The following GPNMB variants were observed in gnomAD, a reference collection of about 807,000 sequenced individuals.
The protein encoded by GPNMB is glycoprotein nmb, also known as transmembrane glycoprotein NMB.
In GPNMB, 71 loss-of-function variants were observed where a neutral mutation model predicts 57.3. The ratio of observed to expected loss-of-function variants is 1.24; its 90% confidence interval spans 1.02 to 1.51. The LOEUF is 1.51. GPNMB is among the 40% of genes most tolerant of loss of function. The pLI is 0.00. For synonymous variants in GPNMB, 253 were observed against 263.2 expected, an observed-to-expected ratio of 0.96 and a Z score of 0.38; for missense variants, 677 against 691.9, an observed-to-expected ratio of 0.98 and a Z score of 0.24.
intron 4 of GPNMB, among the ~76,000 whole-genome samples, chr7:23,258,309 C>T (rs1782830175): frequency 6.6e-6 from 1 of 152,170 alleles, no homozygotes; most frequent in Admixed American, 6.5e-5. Flanking sequence ...ATTTACAAAT[C>T]AGGACAAAAT....
chr7:23,254,775 T>G (rs759178215), intron 3 of GPNMB, among the ~76,000 whole-genome samples: 1 of 152,212 alleles, frequency 6.6e-6, no homozygotes, highest in East Asian at 1.9e-4. Flanking sequence ...GGTTTTGCTT[T>G]GCTCTTAGTG....
chr7:23,251,653 A>G (rs1782664620), intron 1 of GPNMB, among the ~76,000 whole-genome samples: 1 of 152,224 alleles, frequency 6.6e-6, no homozygotes, highest in African/African-American at 2.4e-5. Context: ...AGCTCTGGGC[A>G]TCACATCATT....
At chr7:23,253,832 A>G (rs962661973) in intron 2 of GPNMB, among the ~76,000 whole-genome samples, 3 of 152,182 alleles carry the variant, frequency 2.0e-5, no homozygotes, top group Non-Finnish European at 2.9e-5. Context: ...TTCTTTTTAG[A>G]TAAAAGAATG....
chr7:23,260,347 C>A, intron 5 of GPNMB, 109 bp from the exon 6 acceptor site: 4 of 1,083,838 alleles, frequency 3.7e-6, no homozygotes, highest in South Asian at 1.6e-5. Flanking sequence ...GAAAATAATG[C>A]TAAATTATCC....
chr7:23,271,640 AC>A (rs1265429268), intron 9 of GPNMB, among the ~76,000 whole-genome samples: 1 of 152,158 alleles, frequency 6.6e-6, no homozygotes, highest in Non-Finnish European at 1.5e-5. Flanking sequence ...TACTAAAAAT[AC>A]AAAAATTAGC....
At chr7:23,259,604 A>C (rs528711847) in intron 4 of GPNMB, among the ~76,000 whole-genome samples, 1 of 152,262 alleles carries the variant, frequency 6.6e-6, no homozygotes, top group African/African-American at 2.4e-5. Flanking sequence ...TGGATAAATA[A>C]TTTTTTTAAC....
In GPNMB at chr7:23,262,736, A is replaced by G. The variant is rs556264938; in HGVS notation, c.1018+1963A>G. ...TGGACTCAAGTGATCCTTCTGCCTC[A>G]GCCTCCCAAGTGGCTGTGGCTACAG... On this transcript the variant is annotated intron_variant, in intron 6 of 10. Coordinates refer to ENST00000258733, the MANE Select transcript of GPNMB (RefSeq NM_002510.3). Among the ~76,000 whole-genome samples, 3 of 146,318 alleles carry G rather than the reference A, an allele frequency of 2.1e-5. No individual in the cohort carries two copies. In the South Asian group the frequency reaches 6.5e-4, roughly 32 times the overall value.
intron 9 of GPNMB, 110 bp downstream of exon 9, chr7:23,270,285 C>T: frequency 1.5e-6 from 1 of 685,714 alleles, no homozygotes; most frequent in Non-Finnish European, 2.5e-6. Flanking sequence ...TATTTCAGTA[C>T]AAAATTCATT....
intron 1 of GPNMB, among the ~76,000 whole-genome samples, chr7:23,248,235 GC>G (rs1782581945): frequency 1.3e-5 from 2 of 152,182 alleles, no homozygotes; most frequent in Admixed American, 6.5e-5. Flanking sequence ...TCCTACGGAG[GC>G]AGACCTGCAC....
At chr7:23,255,606 T>A (rs151073933) in intron 3 of GPNMB, among the ~76,000 whole-genome samples, 3 of 152,176 alleles carry the variant, frequency 2.0e-5, no homozygotes, top group Non-Finnish European at 4.4e-5. Context: ...GCTCTATTTT[T>A]AGTTTTTTGA....
At position 23,267,761 on chromosome 7, in the gene GPNMB, T is replaced by C. The variant is rs1783102371; in HGVS notation, c.1118-125T>C. ...AGACCCCCCTCCTAATGCTATCACC[T>C]TGGGGGTTTCAACATATGAATTTCG... On this transcript the variant is annotated intron_variant, in intron 7 of 10. Transcript: ENST00000258733. 4.1e-6 allele frequency: 3 copies of C among 733,410 alleles called. No homozygotes were observed. In the East Asian group the frequency reaches 7.6e-5, roughly 19 times the overall value. The allele number at this position is 733,410 out of a possible 1,614,324, so 45.4% of individuals were successfully genotyped here. A position where few individuals can be genotyped will look rare whatever the true frequency, so the allele number is the denominator to read the frequency against.
At chr7:23,268,613 A>C (rs1173868397) in intron 8 of GPNMB, among the ~76,000 whole-genome samples, 1 of 152,242 alleles carries the variant, frequency 6.6e-6, no homozygotes, top group African/African-American at 2.4e-5. Flanking sequence ...TTAGCAAATC[A>C]TTTGCATATA....
intron 8 of GPNMB, among the ~76,000 whole-genome samples, chr7:23,268,339 C>A (rs1455689865): frequency 6.6e-6 from 1 of 152,178 alleles, no homozygotes; most frequent in East Asian, 1.9e-4. Flanking sequence ...GCAACTGAGG[C>A]CACCAGTGAT....
intron 9 of GPNMB, among the ~76,000 whole-genome samples, chr7:23,272,400 C>T (rs981698460): frequency 1.1e-4 from 17 of 151,738 alleles, no homozygotes; most frequent in South Asian, 2.1e-4. Context: ...GAGGCTGGGG[C>T]GGGAGGATCC....
In GPNMB at chr7:23,266,629, T is replaced by C. The variant is rs753820230; in HGVS notation, c.1117+14T>C. 8.1e-6 allele frequency: 13 copies of C among 1,611,822 alleles called. No homozygotes were observed. Among genetic ancestry groups the C allele is most frequent in the African/African-American group, 4.0e-5 (3 of 74,856 alleles). On this transcript the variant is annotated intron_variant, in intron 7 of 10. Coordinates refer to ENST00000258733, the MANE Select transcript of GPNMB (RefSeq NM_002510.3). ...TCACAATTGTAGGTAAGGCTGAAGA[T>C]GATGACCAGTGAGGAAGGATGCTAG...
rs760016760 is a variant in GPNMB at position 23,246,931 on chromosome 7, A to G, written c.70+4A>G. On this transcript the variant is annotated splice_donor_region_variant and intron_variant, in intron 1 of 10. Transcript: ENST00000258733. ...TTGCCACTTGATGCCGCCAAACGTGAGTAACCCTTAATTTCTATGTTTAAC... is the reference window on the plus strand; with the variant it reads ...TTGCCACTTGATGCCGCCAAACGTGGGTAACCCTTAATTTCTATGTTTAAC... The G allele has an allele frequency of 6.2e-7, 1 of 1,606,320 alleles. No individual in the cohort carries two copies. The highest frequency in any genetic ancestry group is 1.7e-5 in the Admixed American group (1 of 60,008).
At chr7:23,269,428 C>A (rs566678310) in intron 8 of GPNMB, among the ~76,000 whole-genome samples, 1 of 152,198 alleles carries the variant, frequency 6.6e-6, no homozygotes, top group East Asian at 1.9e-4. Context: ...GAGGAATAAG[C>A]AAGATCATGT....
chr7:23,266,473 G>A (rs1325376895), intron 6 of GPNMB, 44 bp from the exon 7 acceptor site: 1 of 1,594,610 alleles, frequency 6.3e-7, no homozygotes, highest in South Asian at 1.1e-5. Context: ...TATCTTTTAT[G>A]TTCGTAGCAA....
intron 1 of GPNMB, among the ~76,000 whole-genome samples, chr7:23,251,350 A>G (rs1331999286): frequency 6.6e-6 from 1 of 152,258 alleles, no homozygotes; most frequent in Non-Finnish European, 1.5e-5. Context: ...AGAACAAGAC[A>G]GAGTTTCTCT....
Sources: allele counts gnomAD v4.1 joint callset (sites outside exome capture counted in the v4.1 genomes callset), GRCh38; gene constraint gnomAD v4.1.1; transcripts MANE v1.5; gene names NCBI Gene and HGNC (gene_info 2026-07-23, HGNC 2026-07-21).